OSBPL5: variants seen among roughly 807,000 people sequenced by gnomAD.
The protein encoded by OSBPL5 is oxysterol binding protein like 5.
Under a neutral mutation model 111.2 loss-of-function variants are expected in OSBPL5, and 71 were observed. That is an observed-to-expected ratio of 0.64 (90% CI 0.53 to 0.78). OSBPL5 has a LOEUF of 0.78. Among genes scored for constraint, OSBPL5 ranks in the 30% least tolerant of loss-of-function variants. OSBPL5 has a pLI of 0.00. For synonymous variants in OSBPL5, 549 were observed against 513.9 expected (o/e 1.07, Z -0.93); for missense variants, 1,210 against 1,189.3 (o/e 1.02, Z -0.26).
rs569614192 is a variant in OSBPL5 at position 3,088,730 on chromosome 11, T to C, written c.2502-387A>G. ...GGAGATGGGGTCCTTAAAGAGGTAT[T>C]TATTTAAATGGAGACCATTAGGGTG... On this transcript the variant is annotated intron_variant, in intron 21 of 21. Transcript: ENST00000263650. 2.6e-5 allele frequency among the ~76,000 whole-genome samples: 4 copies of C among 152,148 alleles called. No homozygotes were observed. In the East Asian group the frequency reaches 7.7e-4, roughly 29 times the overall value.
rs1404518136 is a variant in OSBPL5 at position 3,107,581 on chromosome 11, C to G, written c.867-126G>C. The G allele has an allele frequency of 1.0e-5, 14 of 1,363,448 alleles. No homozygotes were observed. The Admixed American group carries it at 2.7e-4, about 26-fold the overall frequency. The allele number at this position is 1,363,448 out of a possible 1,614,324, so 84.5% of individuals were successfully genotyped here. A position where few individuals can be genotyped will look rare whatever the true frequency, so the allele number is the denominator to read the frequency against. On this transcript the variant is annotated intron_variant, in intron 8 of 21. Transcript: ENST00000263650. The surrounding 1 kb of genome is among the most constrained non-coding windows in gnomAD (Gnocchi z 6.1). ...CCTGCCTGTCGTCACCTCCACAACC[C>G]ACATTTGACACGATCAGCCCCGTTT...
At position 3,106,141 on chromosome 11, in the gene OSBPL5, A is replaced by C. The variant is rs1283183363; in HGVS notation, c.1059+1122T>G. ...CGCACAGGAGCCTGAGCTCTGTGGG[A>C]ACAGCAGCCCGCAGGGAGGCCATGG... On this transcript the variant is annotated intron_variant, in intron 9 of 21. Coordinates refer to ENST00000263650, the MANE Select transcript of OSBPL5 (RefSeq NM_020896.4). The surrounding 1 kb of genome is among the most constrained non-coding windows in gnomAD (Gnocchi z 8.4). 6.6e-6 allele frequency among the ~76,000 whole-genome samples: 1 copy of C among 152,002 alleles called. No individual in the cohort carries two copies. Among genetic ancestry groups the C allele is most frequent in the Non-Finnish European group, 1.5e-5 (1 of 67,994 alleles).
At chr11:3,103,657 T>C (rs927149867) in intron 10 of OSBPL5, among the ~76,000 whole-genome samples, 3 of 148,996 alleles carry the variant, frequency 2.0e-5, no homozygotes, top group Non-Finnish European at 4.5e-5. Flanking sequence ...GCCCCCTTCC[T>C]GCCTCTGTTG....
chr11:3,143,005 CAGAGGGGGG>C, intron 1 of OSBPL5, among the ~76,000 whole-genome samples: 2 of 77,192 alleles, frequency 2.6e-5, no homozygotes, highest in South Asian at 5.6e-4. Context: ...GAGGCAGGTG[CAGAGGGGGG>C]CAGAGGAGGC....
rs1284446743 is a variant in OSBPL5, at chr11:3,161,243, C to T, written c.-22+3973G>A. 1 of 152,220 alleles carries T rather than the reference C, an allele frequency of 6.6e-6. No homozygotes were observed. Among genetic ancestry groups the T allele is most frequent in the Non-Finnish European group, 1.5e-5 (1 of 68,042 alleles). The allele number at this position is 152,220 out of a possible 1,614,324, so 9.4% of individuals were successfully genotyped here. A position where few individuals can be genotyped will look rare whatever the true frequency, so the allele number is the denominator to read the frequency against. ...AGCAGGGTGAGAGGGGATCTATGGA[C>T]CAGTTAAGTCCATCTGCATTCACCA... On this transcript the variant is annotated intron_variant, in intron 1 of 21. Transcript: ENST00000263650. This position sits in a 1 kb window ranked among gnomAD's most constrained non-coding sequence, Gnocchi z 8.0.
rs1425767844 is a variant in OSBPL5, at chr11:3,109,673, T to C, written c.692-1728A>G. On this transcript the variant is annotated intron_variant, in intron 7 of 21. Transcript: ENST00000263650. This position sits in a 1 kb window ranked among gnomAD's most constrained non-coding sequence, Gnocchi z 7.4. ...CCTGCTGGTTCCACTGCAGGCTTGG[T>C]TGGTGCCAGAGCGGCCAAGCCTGGG... is the stretch of plus-strand genomic sequence containing the variant. Among the ~76,000 whole-genome samples, 3 of 151,944 alleles carry C rather than the reference T, an allele frequency of 2.0e-5. No individual in the cohort carries two copies. Among genetic ancestry groups the C allele is most frequent in the Admixed American group, 2.0e-4 (3 of 15,270 alleles).
rs552382553 is a variant in OSBPL5 at position 3,098,495 on chromosome 11, ATTT to A, written c.1621+1660_1621+1662del. 2.2e-4 allele frequency among the ~76,000 whole-genome samples: 18 copies of A among 81,190 alleles called. No homozygotes were observed. The South Asian group carries it at 3.5e-3, about 16-fold the overall frequency. 53.3% of individuals were successfully genotyped at this position (81,190 alleles called of 152,430 possible). On this transcript the variant is annotated intron_variant, in intron 14 of 21. Transcript: ENST00000263650. ...TCAAGCCATAAAAAGACATGAAGGA[ATTT>A]TTTTTTTTTTTTTTTTTTTTTTTGG...
rs1034892643 is a variant in OSBPL5 at position 3,161,336 on chromosome 11, G to A, written c.-22+3880C>T. ...GCTCCATTCCTAAATCAGAGATGAT[G>A]GGACTCTGGGAAGAGTCACGCCCTC... On this transcript the variant is annotated intron_variant, in intron 1 of 21. Transcript: ENST00000263650. The surrounding 1 kb of genome is among the most constrained non-coding windows in gnomAD (Gnocchi z 8.0). The A allele has an allele frequency of 1.3e-5, 2 of 152,194 alleles. No homozygotes were observed. Among genetic ancestry groups the A allele is most frequent in the African/African-American group, 4.8e-5 (2 of 41,430 alleles). The allele number at this position is 152,194 out of a possible 1,614,324, so 9.4% of individuals were successfully genotyped here.
chr11:3,128,929 G>A, intron 2 of OSBPL5, 84 bp downstream of exon 2: 1 of 1,239,936 alleles, frequency 8.1e-7, no homozygotes, highest in Non-Finnish European at 1.1e-6. Flanking sequence ...GACCTCAAGG[G>A]GCACAGAGGG....
In OSBPL5 at chr11:3,093,733, G is replaced by T. The variant is rs1381699973; in HGVS notation, c.1809+13C>A. 1 of 1,612,706 alleles carries T rather than the reference G, an allele frequency of 6.2e-7. No homozygotes were observed. The highest frequency in any genetic ancestry group is 8.5e-7 in the Non-Finnish European group (1 of 1,179,982). On this transcript the variant is annotated intron_variant, in intron 16 of 21. Coordinates refer to ENST00000263650, the MANE Select transcript of OSBPL5 (RefSeq NM_020896.4). ...CCGCCCGGCCGTGCCTGCCCTGAGG[G>T]ACGGCCCCTTACCCAGTGGCCACTG...
rs770514054 is a variant in OSBPL5, at chr11:3,140,636, C to T, written c.-21-11467G>A. Among the ~76,000 whole-genome samples the T allele has an allele frequency of 1.2e-4, 18 of 152,288 alleles. 1 individual carries two copies. The highest frequency in any genetic ancestry group is 5.2e-4 in the Admixed American group (8 of 15,306). On this transcript the variant is annotated intron_variant, in intron 1 of 21. Coordinates refer to ENST00000263650, the MANE Select transcript of OSBPL5 (RefSeq NM_020896.4). This position sits in a 1 kb window ranked among gnomAD's most constrained non-coding sequence, Gnocchi z 4.5. The stretch of plus-strand genomic sequence containing the variant: ...TGCCCCACCAGTGGACAGGCATCGT[C>T]GTCCCGGCTCCCCTCTGTCCCCCAG...
intron 7 of OSBPL5, among the ~76,000 whole-genome samples, chr11:3,112,061 G>GCA (rs1857993038): frequency 4.2e-5 from 4 of 95,600 alleles, no homozygotes; most frequent in Non-Finnish European, 9.5e-5. Context: ...GTGTGCATGT[G>GCA]TATGTGTGTG....
intron 7 of OSBPL5, among the ~76,000 whole-genome samples, chr11:3,112,097 GCA>G (rs1459708867): frequency 1.2e-3 from 159 of 129,904 alleles, no homozygotes; most frequent in East Asian, 7.4e-3. Context: ...ATGTGTGTGT[GCA>G]TATGTGTGTG....
intron 6 of OSBPL5, 130 bp from the exon 7 acceptor site, chr11:3,119,761 G>A (rs1435127841): frequency 6.5e-5 from 52 of 801,158 alleles, no homozygotes; most frequent in Non-Finnish European, 9.6e-5. Context: ...GGGCCACCAG[G>A]TGGGGCCAGG....
chr11:3,159,677 C>T (rs1301523878), intron 1 of OSBPL5, among the ~76,000 whole-genome samples: 1 of 152,158 alleles, frequency 6.6e-6, no homozygotes, highest in Non-Finnish European at 1.5e-5. Context: ...ACAGGGTGCA[C>T]CTGGGGAGGG....
At chr11:3,145,175 C>T (rs192338205) in intron 1 of OSBPL5, among the ~76,000 whole-genome samples, 18 of 152,338 alleles carry the variant, frequency 1.2e-4, no homozygotes, top group South Asian at 2.1e-4. Flanking sequence ...CTGGATTTGA[C>T]GAAGCCCATC....
At chr11:3,143,763 C>T (rs922851358) in intron 1 of OSBPL5, among the ~76,000 whole-genome samples, 1 of 152,216 alleles carries the variant, frequency 6.6e-6, no homozygotes, top group East Asian at 1.9e-4. Context: ...TCCACTATGA[C>T]TGGAGGCTGA....
In OSBPL5 at chr11:3,113,777, G is replaced by C. The variant is rs1304756501; in HGVS notation, c.691+5770C>G. ...GTCCACAGGCAGTAAGGTTCATTTT[G>C]AGAAAGACTGTTATAGTCTTTGTTT... On this transcript the variant is annotated intron_variant, in intron 7 of 21. Coordinates refer to ENST00000263650, the MANE Select transcript of OSBPL5 (RefSeq NM_020896.4). This position sits in a 1 kb window ranked among gnomAD's most constrained non-coding sequence, Gnocchi z 4.8. Among the ~76,000 whole-genome samples the C allele has an allele frequency of 6.6e-6, 1 of 152,150 alleles. No homozygotes were observed. Among genetic ancestry groups the C allele is most frequent in the Non-Finnish European group, 1.5e-5 (1 of 68,028 alleles).
rs1403664334 is a variant in OSBPL5 at position 3,105,314 on chromosome 11, C to T, written c.1060-937G>A. ...GGATCTCATCCCCGCTGCTGGGACT[C>T]CTCAGGCAAATGGCTTCGCCTCTCT... On this transcript the variant is annotated intron_variant, in intron 9 of 21. Coordinates refer to ENST00000263650, the MANE Select transcript of OSBPL5 (RefSeq NM_020896.4). The surrounding 1 kb of genome is among the most constrained non-coding windows in gnomAD (Gnocchi z 5.2). Among the ~76,000 whole-genome samples, 2 of 152,210 alleles carry T rather than the reference C, an allele frequency of 1.3e-5. No homozygotes were observed. The highest frequency in any genetic ancestry group is 2.1e-4 in the South Asian group (1 of 4,832).
Sources: gnomAD v4.1 joint callset for allele counts (sites outside exome capture counted in the v4.1 genomes callset) on GRCh38, gnomAD v4.1.1 for gene constraint, Gnocchi (gnomAD v3.1) non-coding constraint, MANE v1.5 for transcripts, NCBI Gene and HGNC (gene_info 2026-07-23, HGNC 2026-07-21) for gene names.